The following TJP2 variants were observed in gnomAD, a reference collection of about 807,000 sequenced individuals.
TJP2 encodes the protein tight junction protein 2.
In TJP2, 91 loss-of-function variants were observed where a neutral mutation model predicts 133.1. The observed-to-expected ratio is 0.68, with a 90% CI of 0.58 to 0.81. TJP2 has a LOEUF of 0.81. TJP2 is among the 40% of genes least tolerant of loss of function. The probability of loss-of-function intolerance (pLI) is 0.00; values close to 1 mark genes in which losing one functional copy is unlikely to be tolerated. For synonymous variants in TJP2, 592 were observed against 583.4 expected, an observed-to-expected ratio of 1.01 and a Z score of -0.21; for missense variants, 1,541 against 1,565.6, an observed-to-expected ratio of 0.98 and a Z score of 0.26.
In TJP2 at chr9:69,226,076, G is replaced by C; in HGVS notation, c.1111G>C (p.Glu371Gln). The change falls in exon 7 of 23, where the codon GAA becomes CAA. Residue 371 changes from glutamate (E) to glutamine (Q), a missense_variant. Physicochemically the swap from Glu to Gln is conservative, Grantham distance 29 (BLOSUM62 2). Transcript: ENST00000377245. Reference protein sequence around the residue: ...MSLTDARKLIEKSRGKLQLVV... With the variant: ...MSLTDARKLIQKSRGKLQLVV... ...TTTAACGGATGCTCGAAAATTGATA[G>C]AAAAGTCAAGAGGAAAACTACAGCT... 1 of 1,614,180 alleles carries C rather than the reference G, an allele frequency of 6.2e-7. No individual in the cohort carries two copies.
At chr9:69,168,435 A>G (rs1824475444) in intron 2 of TJP2, among the ~76,000 whole-genome samples, 1 of 152,124 alleles carries the variant, frequency 6.6e-6, no homozygotes. Context: ...GGATCTGGGA[A>G]GTGTACAAGT....
chr9:69,221,312 C>A lies in TJP2; in HGVS notation c.768C>A (p.Ala256=). ...DQDYERAYHR[A]YDPDYERAYS... ...ACTACGAGCGAGCCTATCACCGGGCCTACGACCCAGACTACGAGCGGGCCT... is the reference window on the plus strand; with the variant it reads ...ACTACGAGCGAGCCTATCACCGGGCATACGACCCAGACTACGAGCGGGCCT... Residue 256 remains alanine (A), a synonymous_variant, in exon 5 of 23, where the codon GCC becomes GCA. Transcript: ENST00000377245. 6.2e-7 allele frequency: 1 copy of A among 1,604,616 alleles called. No homozygotes were observed. The highest frequency in any genetic ancestry group is 8.5e-7 in the Non-Finnish European group (1 of 1,176,020).
At chr9:69,131,663 C>T (rs1822501167) in intron 1 of TJP2, among the ~76,000 whole-genome samples, 2 of 152,142 alleles carry the variant, frequency 1.3e-5, no homozygotes, top group Non-Finnish European at 1.5e-5. Context: ...TGCCTGGTGA[C>T]TTGCTGTATG....
intron 2 of TJP2, among the ~76,000 whole-genome samples, chr9:69,215,560 A>G (rs1019222398): frequency 6.6e-6 from 1 of 151,604 alleles, no homozygotes; most frequent in Non-Finnish European, 1.5e-5. Flanking sequence ...ATTTTTTTCT[A>G]TTTCTAGTAA....
In TJP2 at chr9:69,246,746, A is replaced by G. The variant is rs1489241392; in HGVS notation, c.2623A>G (p.Ile875Val). The G allele has an allele frequency of 3.1e-6, 5 of 1,614,176 alleles. No homozygotes were observed. Among genetic ancestry groups the G allele is most frequent in the African/African-American group, 2.7e-5 (2 of 75,046 alleles). Residue 875 changes from isoleucine (I) to valine (V), a missense_variant, in exon 18 of 23, where the codon ATT becomes GTT. Physicochemically the swap from Ile to Val is conservative, Grantham distance 29. Coordinates refer to ENST00000377245, the MANE Select transcript of TJP2 (RefSeq NM_004817.4). ...CTGGTTTGGCAGCTTAAAGGACACTATTCAGCATCAGCAAGGAGAAGCGGT... is the reference window on the plus strand; with the variant it reads ...CTGGTTTGGCAGCTTAAAGGACACTGTTCAGCATCAGCAAGGAGAAGCGGT... ...DSWFGSLKDT[I>V]QHQQGEAVWV...
rs755188956 is a variant in TJP2, at chr9:69,210,648, C to T, written c.61-1900C>T. Among the ~76,000 whole-genome samples the T allele has an allele frequency of 6.4e-4, 97 of 151,872 alleles. 1 individual carries two copies. Among genetic ancestry groups the T allele is most frequent in the Non-Finnish European group, 1.5e-4 (10 of 67,966 alleles). On this transcript the variant is annotated intron_variant, in intron 1 of 22. Coordinates refer to ENST00000377245, the MANE Select transcript of TJP2 (RefSeq NM_004817.4). The stretch of plus-strand genomic sequence containing the variant: ...AAATCTTGCACTTTTGGGCTGCTTG[C>T]GTCCCTGGCACCCCAGGCCCCATTC...
At chr9:69,249,333 G>A (rs1200403924) in intron 19 of TJP2, 42 bp from the exon 20 acceptor site, 1 of 1,569,876 alleles carries the variant, frequency 6.4e-7, no homozygotes. Context: ...TGTTCTCTCT[G>A]CTTGGATGTT....
chr9:69,136,302 T>G (rs1427737653), intron 1 of TJP2, among the ~76,000 whole-genome samples: 1 of 152,148 alleles, frequency 6.6e-6, no homozygotes, highest in Non-Finnish European at 1.5e-5. Flanking sequence ...GAGGATCACT[T>G]GAGACCAGAA....
At chr9:69,225,878 A>G in intron 6 of TJP2, 144 bp from the exon 7 acceptor site, 1 of 843,406 alleles carries the variant, frequency 1.2e-6, no homozygotes, top group Non-Finnish European at 1.9e-6. Context: ...TTTAAACGAC[A>G]ATTCATTTTT....
chr9:69,218,548 TCTC>T (rs1229682077), intron 4 of TJP2, 189 bp downstream of exon 4: 1 of 630,982 alleles, frequency 1.6e-6, no homozygotes, highest in East Asian at 2.9e-5. Context: ...CCTTGTGTCT[TCTC>T]CTGAGGCCAG....
At chr9:69,244,606 A>G (rs1830800036) in intron 17 of TJP2, among the ~76,000 whole-genome samples, 1 of 152,250 alleles carries the variant, frequency 6.6e-6, no homozygotes, top group Non-Finnish European at 1.5e-5. Flanking sequence ...ATAATTAACT[A>G]CTATTGCTCT....
chr9:69,204,334 A>G (rs1827230526), intron 1 of TJP2, among the ~76,000 whole-genome samples: 3 of 152,212 alleles, frequency 2.0e-5, no homozygotes, highest in Admixed American at 2.0e-4. Flanking sequence ...TATAACATAC[A>G]CTATGGTAGC....
chr9:69,254,328 G>A lies in TJP2; in HGVS notation c.3527G>A (p.Arg1176His), dbSNP rs1037430967. 20 of 1,614,124 alleles carry A rather than the reference G, an allele frequency of 1.2e-5. No homozygotes were observed. Among genetic ancestry groups the A allele is most frequent in the Middle Eastern group, 3.3e-4 (2 of 6,084 alleles). ...YRQQLSEHSK[R>H]GYYGQSARYR... ...CAGCAGCTGTCAGAACACTCCAAGC[G>A]CGGTTACTATGGCCAGTCTGCCCGA... Residue 1176 changes from arginine (R) to histidine (H), a missense_variant, in exon 23 of 23, where the codon CGC becomes CAC. Coordinates refer to ENST00000377245, the MANE Select transcript of TJP2 (RefSeq NM_004817.4).
rs751429189 is a variant in TJP2 at position 69,227,765 on chromosome 9, A to G, written c.1211A>G (p.Asp404Gly). ...SLNDSDSEIE[D>G]ISEIESNRSF... is the part of the protein sequence containing the mutation. Reference sequence around the variant, plus strand: ...AGTCTTTTCTTATTTTTGAAACTAGATATTTCAGAAATAGAGTCAAACCGA... The same window carrying G: ...AGTCTTTTCTTATTTTTGAAACTAGGTATTTCAGAAATAGAGTCAAACCGA... Residue 404 changes from aspartate (D) to glycine (G), a missense_variant and splice_region_variant, in exon 8 of 23, where the codon GAT becomes GGT. Coordinates refer to ENST00000377245, the MANE Select transcript of TJP2 (RefSeq NM_004817.4). 3 of 1,580,120 alleles carry G rather than the reference A, an allele frequency of 1.9e-6. No individual in the cohort carries two copies. The highest frequency in any genetic ancestry group is 1.1e-5 in the South Asian group (1 of 90,086).
At chr9:69,216,673 G>A (rs1334462256) in intron 3 of TJP2, among the ~76,000 whole-genome samples, 1 of 152,236 alleles carries the variant, frequency 6.6e-6, no homozygotes, top group East Asian at 1.9e-4. Context: ...GCTTTGGAGC[G>A]AGGAGGGCAG....
At chr9:69,227,742 T>G in intron 7 of TJP2, 23 bp from the exon 8 acceptor site, 1 of 1,469,418 alleles carries the variant, frequency 6.8e-7, no homozygotes, top group Non-Finnish European at 9.5e-7. Context: ...TATTTAAAAG[T>G]CTTTTCTTAT....
chr9:69,123,208 C>CTAGTTGGTGTGTGATTTTGGTTTT (rs1451615587), intron 1 of TJP2, among the ~76,000 whole-genome samples: 1 of 102,042 alleles, frequency 9.8e-6, no homozygotes, highest in Admixed American at 1.1e-4. Flanking sequence ...CACCAGGACA[C>CTAGTTGGTGTGTGATTTTGGTTTT]TCTACAGCCG....
chr9:69,235,929 A>C (rs906404549), intron 12 of TJP2, 99 bp from the exon 13 acceptor site: 76 of 1,105,436 alleles, frequency 6.9e-5, no homozygotes, highest in Middle Eastern at 2.0e-4. Flanking sequence ...AATGGAAGGA[A>C]GGTAAAGGGG....
At chr9:69,251,485 C>A in intron 21 of TJP2, 121 bp downstream of exon 21, 1 of 1,057,480 alleles carries the variant, frequency 9.5e-7, no homozygotes, top group Non-Finnish European at 1.4e-6. Context: ...GCACCAAAGG[C>A]AGGTGCTGTG....
Sources: allele counts gnomAD v4.1 joint callset (sites outside exome capture counted in the v4.1 genomes callset), GRCh38; gene constraint gnomAD v4.1.1; transcripts MANE v1.5; gene names NCBI Gene and HGNC (gene_info 2026-07-23, HGNC 2026-07-21).